Variants in IFT22 observed in about 807,000 individuals in gnomAD.
The protein encoded by IFT22 is intraflagellar transport protein 22 homolog.
A neutral mutation model predicts 21.0 loss-of-function variants in IFT22; 13 were observed. The observed-to-expected ratio is 0.62, with a 90% CI of 0.40 to 0.98. The LOEUF is 0.98. Among genes scored for constraint, IFT22 ranks in the 50% least tolerant of loss-of-function variants. The pLI is 0.00. For missense variants in IFT22, 227 were observed against 228.9 expected (o/e 0.99, Z 0.06); for synonymous variants, 67 against 82.4 (o/e 0.81, Z 1.01).
At chr7:101,321,500 C>G in intron 1 of IFT22, 171 bp downstream of exon 1, 1 of 641,576 alleles carries the variant, frequency 1.6e-6, no homozygotes. Context: ...GAATCAAGGT[C>G]TGAAAGCACC....
At chr7:101,318,345 C>A in intron 2 of IFT22, 132 bp from the exon 3 acceptor site, 1 of 585,388 alleles carries the variant, frequency 1.7e-6, no homozygotes, top group Non-Finnish European at 3.2e-6. Flanking sequence ...CATGGTGAAA[C>A]CCTTGCTACA....
chr7:101,313,979 C>T lies in IFT22; in HGVS notation c.*1155G>A, dbSNP rs1790054990. On this transcript the variant is annotated 3_prime_UTR_variant, in exon 5 of 5. Transcript: ENST00000315322. Reference sequence around the variant, plus strand: ...TCAAGCAATTCTTATGCCTCAGCCACCTGAGTAGCTGGTATTACAGGCGTG... The same window carrying T: ...TCAAGCAATTCTTATGCCTCAGCCATCTGAGTAGCTGGTATTACAGGCGTG... The T allele has an allele frequency of 6.6e-6, 1 of 151,686 alleles. No homozygotes were observed. Among genetic ancestry groups the T allele is most frequent in the Non-Finnish European group, 1.5e-5 (1 of 68,000 alleles). The allele number at this position is 151,686 out of a possible 1,614,324, so 9.4% of individuals were successfully genotyped here.
At position 101,314,952 on chromosome 7, in the gene IFT22, TCAGGGCAGA is replaced by T; in HGVS notation, c.*173_*181del. On this transcript the variant is annotated 3_prime_UTR_variant, in exon 5 of 5. Coordinates refer to ENST00000315322, the MANE Select transcript of IFT22 (RefSeq NM_022777.4). Reference sequence around the variant, plus strand: ...GATAATAGGATTTTCTCAACTGAACTCAGGGCAGAGCACAGATGGTCTGAGTGAACGCCC... The same window carrying T: ...GATAATAGGATTTTCTCAACTGAACTGCACAGATGGTCTGAGTGAACGCCC... 1 of 611,776 alleles carries T rather than the reference TCAGGGCAGA, an allele frequency of 1.6e-6. No individual in the cohort carries two copies. The highest frequency in any genetic ancestry group is 2.8e-6 in the Non-Finnish European group (1 of 363,376). The allele number at this position is 611,776 out of a possible 1,614,324, so 37.9% of individuals were successfully genotyped here. A position where few individuals can be genotyped will look rare whatever the true frequency, so the allele number is the denominator to read the frequency against.
chr7:101,318,209 G>A lies in IFT22; in HGVS notation c.121C>T (p.Leu41=), dbSNP rs781492125. The A allele has an allele frequency of 1.2e-6, 2 of 1,612,456 alleles. No individual in the cohort carries two copies. The highest frequency in any genetic ancestry group is 2.2e-5 in the South Asian group (2 of 91,056). ...EYSPTQGVRI[L]EFENPHVTSN... ...GTAACATGCGGGTTCTCAAATTCTA[G>A]GATCCTAAAAGGAAAAAGAAGAGCA... Residue 41 remains leucine (L), a synonymous_variant, in exon 3 of 5, where the codon CTA becomes TTA. Coordinates refer to ENST00000315322, the MANE Select transcript of IFT22 (RefSeq NM_022777.4).
In IFT22 at chr7:101,311,242, C is replaced by T. The variant is rs913660400; in HGVS notation, c.*3892G>A. 1.4e-4 allele frequency among the ~76,000 whole-genome samples: 21 copies of T among 152,080 alleles called. No individual in the cohort carries two copies. The highest frequency in any genetic ancestry group is 1.3e-3 in the Admixed American group (20 of 15,260). On this transcript the variant is annotated 3_prime_UTR_variant, in exon 5 of 5. Coordinates refer to ENST00000315322, the MANE Select transcript of IFT22 (RefSeq NM_022777.4). ...TCTTAACCTCGTAATCCACCCGCCT[C>T]GGCCTCCCAAAGTGCTGGGATTACA...
At chr7:101,317,908 A>G (rs375081875) in intron 3 of IFT22, among the ~76,000 whole-genome samples, 3 of 152,126 alleles carry the variant, frequency 2.0e-5, no homozygotes, top group East Asian at 1.9e-4. Flanking sequence ...CTGGGATTAC[A>G]TGTGCCTGCC....
intron 1 of IFT22, among the ~76,000 whole-genome samples, chr7:101,319,987 G>A (rs911711221): frequency 2.0e-5 from 3 of 150,602 alleles, no homozygotes; most frequent in Admixed American, 6.7e-5. Context: ...ATGGAGTTTC[G>A]CTCTTGTTCC....
chr7:101,317,284 G>A (rs1790187739), intron 3 of IFT22, among the ~76,000 whole-genome samples: 1 of 152,018 alleles, frequency 6.6e-6, no homozygotes, highest in Non-Finnish European at 1.5e-5. Context: ...TCAGTCTCCT[G>A]ATTACTGGTA....
rs1433502803 is a variant in IFT22, at chr7:101,311,135, A to G, written c.*3999T>C. The G allele has an allele frequency of 3.5e-5, 7 of 197,558 alleles. No individual in the cohort carries two copies. The highest frequency in any genetic ancestry group is 1.1e-4 in the Admixed American group (2 of 18,890). The allele number at this position is 197,558 out of a possible 1,614,324, so 12.2% of individuals were successfully genotyped here. The stretch of plus-strand genomic sequence containing the variant: ...CAGCCTCCTGAGTAGCTGGGACTAC[A>G]GGTGCCCGCCACCACACCCGGCTTA... On this transcript the variant is annotated 3_prime_UTR_variant, in exon 5 of 5. Transcript: ENST00000315322.
chr7:101,310,974 A>G lies in IFT22; in HGVS notation c.*4160T>C. On this transcript the variant is annotated 3_prime_UTR_variant, in exon 5 of 5. Coordinates refer to ENST00000315322, the MANE Select transcript of IFT22 (RefSeq NM_022777.4). ...TGTACTCTGGCCATTCAGGTGAACA[A>G]AATCTGCTGGGTTAATTTTTTTTTT... The G allele has an allele frequency of 3.3e-6, 1 of 304,218 alleles. No individual in the cohort carries two copies. The highest frequency in any genetic ancestry group is 6.6e-6 in the Non-Finnish European group (1 of 151,666). 18.8% of individuals were successfully genotyped at this position (304,218 alleles called of 1,614,324 possible).
chr7:101,314,621 C>T lies in IFT22; in HGVS notation c.*513G>A, dbSNP rs981841194. ...AAAACCACGATTAGTTTTGCACCAACCTAACATTTAGGAAAATGGAGAGTT... is the reference window on the plus strand; with the variant it reads ...AAAACCACGATTAGTTTTGCACCAATCTAACATTTAGGAAAATGGAGAGTT... On this transcript the variant is annotated 3_prime_UTR_variant, in exon 5 of 5. Transcript: ENST00000315322. 3 of 152,272 alleles carry T rather than the reference C, an allele frequency of 2.0e-5. No individual in the cohort carries two copies. Among genetic ancestry groups the T allele is most frequent in the African/African-American group, 7.2e-5 (3 of 41,410 alleles). The allele number at this position is 152,272 out of a possible 1,614,324, so 9.4% of individuals were successfully genotyped here. A position where few individuals can be genotyped will look rare whatever the true frequency, so the allele number is the denominator to read the frequency against.
At chr7:101,315,506 A>G (rs1168249742) in intron 4 of IFT22, 1 of 571,652 alleles carries the variant, frequency 1.7e-6, no homozygotes, top group Non-Finnish European at 3.1e-6. Flanking sequence ...ACCAGAAAGG[A>G]ATAGATTCTC....
At chr7:101,318,282 G>T in intron 2 of IFT22, 69 bp from the exon 3 acceptor site, 1 of 1,190,488 alleles carries the variant, frequency 8.4e-7, no homozygotes, top group Admixed American at 1.8e-5. Flanking sequence ...CAGTCTGGGA[G>T]GCCAAGGCGG....
chr7:101,320,640 T>C (rs1277883783), intron 1 of IFT22, among the ~76,000 whole-genome samples: 1 of 150,404 alleles, frequency 6.6e-6, no homozygotes, highest in Admixed American at 6.7e-5. Flanking sequence ...GAAGTATACA[T>C]GTAGATGTGA....
rs386410832 is a variant in IFT22, at chr7:101,312,533, GTTTTTTTTTTT to G, written c.*2590_*2600del. 2.6e-5 allele frequency among the ~76,000 whole-genome samples: 3 copies of G among 114,606 alleles called. No individual in the cohort carries two copies. The highest frequency in any genetic ancestry group is 5.2e-5 in the Non-Finnish European group (3 of 58,244). 75.2% of individuals were successfully genotyped at this position (114,606 alleles called of 152,430 possible). A position where few individuals can be genotyped will look rare whatever the true frequency, so the allele number is the denominator to read the frequency against. On this transcript the variant is annotated 3_prime_UTR_variant, in exon 5 of 5. Coordinates refer to ENST00000315322, the MANE Select transcript of IFT22 (RefSeq NM_022777.4). ...TAAATATAATGTTTTGGAGAGAGTTGTTTTTTTTTTTTTTTTTTTTGTGACGGAGTCTCGCT... is the reference window on the plus strand; with the variant it reads ...TAAATATAATGTTTTGGAGAGAGTTGTTTTTTTTTGTGACGGAGTCTCGCT...
In IFT22 at chr7:101,315,272, C is replaced by T. The variant is rs1450830418; in HGVS notation, c.420G>A (p.Leu140=). 1 of 1,614,152 alleles carries T rather than the reference C, an allele frequency of 6.2e-7. No homozygotes were observed. Among genetic ancestry groups the T allele is most frequent in the South Asian group, 1.1e-5 (1 of 91,072 alleles). The change falls in exon 5 of 5, where the codon TTG becomes TTA. Residue 140 remains leucine, a synonymous_variant. Coordinates refer to ENST00000315322, the MANE Select transcript of IFT22 (RefSeq NM_022777.4). ...TTGAGTGCACCAGCTTCAGCTTGTT[C>T]AAGGGTGGCGCTTGAAAATGAAGAT... The part of the protein sequence containing the change: ...DKGSLSLSPP[L]NKLKLVHSNL...
intron 1 of IFT22, 74 bp from the exon 2 acceptor site, chr7:101,319,106 T>C: frequency 6.7e-7 from 1 of 1,490,618 alleles, no homozygotes; most frequent in South Asian, 1.1e-5. Context: ...CCCCAAGAGG[T>C]GGCCTGGAAC....
chr7:101,317,092 G>A (rs1790180983), intron 3 of IFT22, among the ~76,000 whole-genome samples: 1 of 151,658 alleles, frequency 6.6e-6, no homozygotes, highest in African/African-American at 2.4e-5. Flanking sequence ...GAGTAGCTAG[G>A]ACCACATCAG....
Position 101,315,300 on chromosome 7 carries a change from G to C in IFT22, c.410-18C>G. On this transcript the variant is annotated intron_variant, in intron 4 of 4. Coordinates refer to ENST00000315322, the MANE Select transcript of IFT22 (RefSeq NM_022777.4). ...GGGTGGCGCTTGAAAATGAAGATAA[G>C]GTTAATTAGGCAAAGAGTTTCCATG... The C allele has an allele frequency of 6.2e-7, 1 of 1,613,900 alleles. No individual in the cohort carries two copies. Among genetic ancestry groups the C allele is most frequent in the Non-Finnish European group, 8.5e-7 (1 of 1,179,968 alleles).
Sources: gnomAD v4.1 joint callset for allele counts (sites outside exome capture counted in the v4.1 genomes callset) on GRCh38, gnomAD v4.1.1 for gene constraint, MANE v1.5 for transcripts, NCBI Gene and HGNC (gene_info 2026-07-23, HGNC 2026-07-21) for gene names.